The following C5orf34 variants were observed in gnomAD, a reference collection of about 807,000 sequenced individuals.
The protein encoded by C5orf34 is uncharacterized protein C5orf34.
A neutral mutation model predicts 78.4 loss-of-function variants in C5orf34; 73 were observed. The ratio of observed to expected loss-of-function variants is 0.93; its 90% CI spans 0.77 to 1.13. C5orf34 has a LOEUF of 1.13. Ranked by LOEUF, C5orf34 falls within the 50% of genes most tolerant of loss-of-function variation. The pLI is 0.00. For synonymous variants in C5orf34, 251 were observed against 246.6 expected, an observed-to-expected ratio of 1.02 and a Z score of -0.17; for missense variants, 730 against 732.7, an observed-to-expected ratio of 1.00 and a Z score of 0.04.
chr5:43,487,775 G>A, intron 12 of C5orf34, 134 bp downstream of exon 12: 1 of 651,302 alleles, frequency 1.5e-6, no homozygotes, highest in Non-Finnish European at 2.7e-6. Flanking sequence ...TACAATCTTA[G>A]GTATTTGCTG....
intron 10 of C5orf34, 79 bp downstream of exon 10, chr5:43,492,136 C>T (rs1423684378): frequency 2.1e-6 from 2 of 944,938 alleles, no homozygotes; most frequent in Admixed American, 4.7e-5. Flanking sequence ...ATATATAACA[C>T]TTAAATAATG....
Position 43,506,030 on chromosome 5 carries a change from C to T in C5orf34, c.650G>A (p.Gly217Glu). Residue 217 changes from glycine to glutamate, a missense_variant, in exon 4 of 13, where the codon GGA becomes GAA. Transcript: ENST00000306862. ...AGGCAGCTCTTCCCTCCCTTCAGTT[C>T]CATTTACACAACTCATCTTCTTTAA... Reference protein sequence around the residue: ...ETLKKMSCVNGTEGREELPSP... With the variant: ...ETLKKMSCVNETEGREELPSP... The T allele has an allele frequency of 1.2e-6, 2 of 1,614,200 alleles. No individual in the cohort carries two copies. The highest frequency in any genetic ancestry group is 8.5e-7 in the Non-Finnish European group (1 of 1,180,040).
Position 43,508,521 on chromosome 5 carries a change from G to C in C5orf34, c.285+56C>G, listed in dbSNP as rs1189051326. On this transcript the variant is annotated intron_variant, in intron 3 of 12. Transcript: ENST00000306862. The stretch of plus-strand genomic sequence containing the variant: ...AAAAAGGCTAAATATTAAATTACCT[G>C]TTTCTAGTTACTTGTCCTCAAATAA... 5 of 1,020,324 alleles carry C rather than the reference G, an allele frequency of 4.9e-6. No individual in the cohort carries two copies. In the African/African-American group the frequency reaches 8.1e-5, roughly 16 times the overall value. 63.2% of individuals were successfully genotyped at this position (1,020,324 alleles called of 1,614,324 possible). A position where few individuals can be genotyped will look rare whatever the true frequency, so the allele number is the denominator to read the frequency against.
At chr5:43,495,827 A>G in intron 6 of C5orf34, 3 of 1,582,852 alleles carry the variant, frequency 1.9e-6, no homozygotes, top group Non-Finnish European at 1.7e-6. Context: ...CCATCCCTTG[A>G]GCCAAGGCAT....
At chr5:43,489,291 T>C (rs539871620) in intron 11 of C5orf34, among the ~76,000 whole-genome samples, 17 of 152,224 alleles carry the variant, frequency 1.1e-4, no homozygotes, top group Middle Eastern at 3.4e-3. Flanking sequence ...AGCTTTTTAT[T>C]GTACAATCTT....
intron 11 of C5orf34, chr5:43,488,338 C>T (rs1745143042): frequency 5.6e-6 from 1 of 179,992 alleles, no homozygotes; most frequent in Non-Finnish European, 1.2e-5. Flanking sequence ...ACTGCTCTCT[C>T]CTTCCTTGAA....
chr5:43,489,299 C>A (rs1281027330), intron 11 of C5orf34, among the ~76,000 whole-genome samples: 1 of 151,986 alleles, frequency 6.6e-6, no homozygotes, highest in African/African-American at 2.4e-5. Flanking sequence ...ATTGTACAAT[C>A]TTGTTTCTTC....
At chr5:43,510,738 C>T (rs972677016) in intron 1 of C5orf34, among the ~76,000 whole-genome samples, 7 of 152,270 alleles carry the variant, frequency 4.6e-5, no homozygotes, top group African/African-American at 1.4e-4. Flanking sequence ...CTCATTCACT[C>T]AGTGCTCAAT....
chr5:43,508,456 T>C, intron 3 of C5orf34, 121 bp downstream of exon 3: 1 of 610,098 alleles, frequency 1.6e-6, no homozygotes. Context: ...GTAACTTTGA[T>C]GTTTTATAGC....
intron 5 of C5orf34, among the ~76,000 whole-genome samples, chr5:43,503,439 A>G (rs374974900): frequency 8.5e-5 from 13 of 152,358 alleles, no homozygotes; most frequent in Admixed American, 3.3e-4. Context: ...GAGGTACCAC[A>G]TAAGTCTTAT....
intron 1 of C5orf34, among the ~76,000 whole-genome samples, chr5:43,509,911 A>G (rs1262569456): frequency 2.0e-5 from 3 of 152,006 alleles, no homozygotes; most frequent in African/African-American, 4.8e-5. Context: ...GTGTGCCACC[A>G]TGCCTGGCTA....
chr5:43,510,548 C>A (rs1438594372), intron 1 of C5orf34, among the ~76,000 whole-genome samples: 3 of 152,234 alleles, frequency 2.0e-5, no homozygotes, highest in African/African-American at 4.8e-5. Context: ...CTGTCTGATT[C>A]TCCTGCCTCA....
At chr5:43,513,014 C>A (rs190166606) in intron 1 of C5orf34, among the ~76,000 whole-genome samples, 1 of 152,124 alleles carries the variant, frequency 6.6e-6, no homozygotes, top group South Asian at 2.1e-4. Flanking sequence ...GAACTCCACA[C>A]CTCGTGATCC....
In C5orf34 at chr5:43,495,004, A is replaced by G; in HGVS notation, c.1153-403T>C. The G allele has an allele frequency of 3.2e-6, 4 of 1,262,350 alleles. No individual in the cohort carries two copies. The South Asian group carries it at 5.1e-5, about 16-fold the overall frequency. 78.2% of individuals were successfully genotyped at this position (1,262,350 alleles called of 1,614,324 possible). A position where few individuals can be genotyped will look rare whatever the true frequency, so the allele number is the denominator to read the frequency against. On this transcript the variant is annotated intron_variant, in intron 6 of 12. Transcript: ENST00000306862. ...CTACTAAACTTAAATGGCCAATTGAAACAAACAGTTCTGAGACCATTCTTC... is the reference window on the plus strand; with the variant it reads ...CTACTAAACTTAAATGGCCAATTGAGACAAACAGTTCTGAGACCATTCTTC...
rs70994702 is a variant in C5orf34, at chr5:43,496,582, A to ATT, written c.1153-1983_1153-1982dup. 1,196 of 427,818 alleles carry ATT rather than the reference A, an allele frequency of 2.8e-3. 2 individuals carry two copies. The highest frequency in any genetic ancestry group is 0.013 in the African/African-American group (359 of 28,508). The allele number at this position is 427,818 out of a possible 1,614,324, so 26.5% of individuals were successfully genotyped here. On this transcript the variant is annotated intron_variant, in intron 6 of 12. Transcript: ENST00000306862. ...CCTATTCATTCAAAAGTTTTTTTTA[A>ATT]TTTTTTTTTTTTTTTTTTTTTTTGG...
chr5:43,504,809 T>C (rs942710388), intron 4 of C5orf34, among the ~76,000 whole-genome samples: 1 of 152,244 alleles, frequency 6.6e-6, no homozygotes, highest in Non-Finnish European at 1.5e-5. Context: ...AAATCATTAC[T>C]TTTGAAGCAT....
intron 4 of C5orf34, among the ~76,000 whole-genome samples, chr5:43,504,094 C>T (rs541130629): frequency 1.3e-5 from 2 of 152,144 alleles, no homozygotes; most frequent in South Asian, 2.1e-4. Flanking sequence ...GGGCGGATCA[C>T]GAGGTCAGGA....
intron 6 of C5orf34, 113 bp downstream of exon 6, chr5:43,502,259 G>T: frequency 1.0e-6 from 1 of 986,150 alleles, no homozygotes. Flanking sequence ...ACTCCAGACT[G>T]GGGAGTAGGA....
chr5:43,493,325 C>T (rs1161133258), intron 8 of C5orf34, among the ~76,000 whole-genome samples: 1 of 151,670 alleles, frequency 6.6e-6, no homozygotes, highest in Non-Finnish European at 1.5e-5. Context: ...ATCCTTTCCT[C>T]TTCATGAAAA....
Sources: gnomAD v4.1 joint callset for allele counts (sites outside exome capture counted in the v4.1 genomes callset) on GRCh38, gnomAD v4.1.1 for gene constraint, MANE v1.5 for transcripts, NCBI Gene and HGNC (gene_info 2026-07-23, HGNC 2026-07-21) for gene names.